Variants in TUBA1A observed in about 807,000 individuals in gnomAD.
TUBA1A encodes the protein tubulin alpha 1a.
Under a neutral mutation model 34.6 loss-of-function variants are expected in TUBA1A, and 7 were observed. The ratio of observed to expected loss-of-function variants is 0.20; its 90% CI spans 0.11 to 0.38. TUBA1A has a LOEUF of 0.38. Among genes scored for constraint, TUBA1A ranks in the 10% least tolerant of loss-of-function variants. The probability of loss-of-function intolerance (pLI) is 1.00; values close to 1 mark genes in which losing one functional copy is unlikely to be tolerated. For synonymous variants in TUBA1A, 193 were observed against 210.2 expected (o/e 0.92, Z 0.71); for missense variants, 19 against 581.3 (o/e 0.03, Z 9.95).
At position 49,189,047 on chromosome 12, in the gene TUBA1A, G is replaced by T. The variant is rs1301459109; in HGVS notation, c.-68C>A. 2.4e-5 allele frequency: 39 copies of T among 1,605,246 alleles called. No individual in the cohort carries two copies. Among genetic ancestry groups the T allele is most frequent in the Non-Finnish European group, 3.0e-5 (35 of 1,172,112 alleles). ...AGGAGAGGTTGTTGCTTCTTACAGCGCGACTCTTAGGCGGTCGATGTAAGA... is the reference window on the plus strand; with the variant it reads ...AGGAGAGGTTGTTGCTTCTTACAGCTCGACTCTTAGGCGGTCGATGTAAGA... On this transcript the variant is annotated 5_prime_UTR_variant, in exon 1 of 4. Transcript: ENST00000301071.
chr12:49,187,567 ATTC>A (rs1942195926), intron 1 of TUBA1A: 3 of 984,858 alleles, frequency 3.0e-6, no homozygotes, highest in Non-Finnish European at 2.4e-6. Flanking sequence ...GCGGAGTATA[ATTC>A]TTCTTTGTCT....
At position 49,185,976 on chromosome 12, in the gene TUBA1A, C is replaced by A; in HGVS notation, c.390G>T (p.Thr130=). 6.2e-7 allele frequency: 1 copy of A among 1,614,144 alleles called. No individual in the cohort carries two copies. Among genetic ancestry groups the A allele is most frequent in the East Asian group, 2.2e-5 (1 of 44,888 alleles). The change falls in exon 4 of 4, where the codon ACG becomes ACT. Residue 130 remains threonine (T), a synonymous_variant. Coordinates refer to ENST00000301071, the MANE Select transcript of TUBA1A (RefSeq NM_006009.4). ...GGAAAACCAAGAAGCCCTGGAGACC[C>A]GTGCACTGGTCGGCCTATAACAAAA... ...DRIRKLADQC[T]GLQGFLVFHS... is the part of the protein sequence containing the mutation.
rs1447781118 is a variant in TUBA1A at position 49,184,831 on chromosome 12, T to A, written c.*179A>T. 1 of 998,414 alleles carries A rather than the reference T, an allele frequency of 1.0e-6. No homozygotes were observed. The highest frequency in any genetic ancestry group is 1.5e-6 in the Non-Finnish European group (1 of 659,506). 61.8% of individuals were successfully genotyped at this position (998,414 alleles called of 1,614,324 possible). A position where few individuals can be genotyped will look rare whatever the true frequency, so the allele number is the denominator to read the frequency against. On this transcript the variant is annotated 3_prime_UTR_variant, in exon 4 of 4. Coordinates refer to ENST00000301071, the MANE Select transcript of TUBA1A (RefSeq NM_006009.4). Reference sequence around the variant, plus strand: ...CAGGGAATACTTTATTCAAAACCCATCACAGAAATGGACAGCTTGGGTCTG... The same window carrying A: ...CAGGGAATACTTTATTCAAAACCCAACACAGAAATGGACAGCTTGGGTCTG...
Position 49,189,029 on chromosome 12 carries a change from G to T in TUBA1A, c.-50C>A. Reference sequence around the variant, plus strand: ...CTGATGGCGGAGACGAAGAGGAGAGGTTGTTGCTTCTTACAGCGCGACTCT... The same window carrying T: ...CTGATGGCGGAGACGAAGAGGAGAGTTTGTTGCTTCTTACAGCGCGACTCT... On this transcript the variant is annotated 5_prime_UTR_variant, in exon 1 of 4. Transcript: ENST00000301071. 1.2e-6 allele frequency: 2 copies of T among 1,613,060 alleles called. No homozygotes were observed. Among genetic ancestry groups the T allele is most frequent in the South Asian group, 1.1e-5 (1 of 91,060 alleles).
Position 49,185,195 on chromosome 12 carries a change from G to A in TUBA1A, c.1171C>T (p.Leu391=). ...TACATCAGGTCAAACTTGTGGTCCA[G>A]GCGAGCCCAGGCCTCAGCAATGGCT... The part of the protein sequence containing the change: ...TTAIAEAWAR[L]DHKFDLMYAK... Residue 391 remains leucine, a synonymous_variant, in exon 4 of 4, where the codon CTG becomes TTG. Transcript: ENST00000301071. The A allele has an allele frequency of 6.2e-7, 1 of 1,614,120 alleles. No individual in the cohort carries two copies. The highest frequency in any genetic ancestry group is 8.5e-7 in the Non-Finnish European group (1 of 1,180,032).
intron 1 of TUBA1A, chr12:49,187,382 T>C (rs1195777200): frequency 9.8e-7 from 1 of 1,021,872 alleles, no homozygotes; most frequent in Non-Finnish European, 1.2e-6. Context: ...CTGTGCCTGG[T>C]GCTAGCCTGT....
In TUBA1A at chr12:49,188,736, C is replaced by G; in HGVS notation, c.3+241G>C. The G allele has an allele frequency of 1.4e-6, 2 of 1,458,864 alleles. No homozygotes were observed. The highest frequency in any genetic ancestry group is 1.8e-6 in the Non-Finnish European group (2 of 1,115,136). The allele number at this position is 1,458,864 out of a possible 1,614,324, so 90.4% of individuals were successfully genotyped here. ...CTCTCGGATAACACAGGCGCCTAGG[C>G]GCCGCCTTTGTTCCTCCCCAGCGCT... is the stretch of plus-strand genomic sequence containing the variant. On this transcript the variant is annotated intron_variant, in intron 1 of 3. Coordinates refer to ENST00000301071, the MANE Select transcript of TUBA1A (RefSeq NM_006009.4). The surrounding 1 kb of genome is among the most constrained non-coding windows in gnomAD (Gnocchi z 4.9).
rs762217273 is a variant in TUBA1A, at chr12:49,186,527, G to C, written c.227-69C>G. The C allele has an allele frequency of 6.2e-7, 1 of 1,612,624 alleles. No individual in the cohort carries two copies. Among genetic ancestry groups the C allele is most frequent in the Non-Finnish European group, 8.5e-7 (1 of 1,178,870 alleles). On this transcript the variant is annotated intron_variant, in intron 2 of 3. Transcript: ENST00000301071. The surrounding 1 kb of genome is among the most constrained non-coding windows in gnomAD (Gnocchi z 6.6). ...GGACGAGGAGCGGGGAGGGAGAGTG[G>C]GTGAGTGACCAGCGGAGCCCCCCAG...
Position 49,188,408 on chromosome 12 carries a change from G to A in TUBA1A, c.3+569C>T, listed in dbSNP as rs1283046389. The A allele has an allele frequency of 1.3e-6, 2 of 1,535,922 alleles. No individual in the cohort carries two copies. Among genetic ancestry groups the A allele is most frequent in the South Asian group, 1.2e-5 (1 of 84,052 alleles). On this transcript the variant is annotated intron_variant, in intron 1 of 3. Transcript: ENST00000301071. The surrounding 1 kb of genome is among the most constrained non-coding windows in gnomAD (Gnocchi z 4.9). ...ACACCCGCTGCCGGGGGCTCCGGCA[G>A]AAACTCACCATGTTTTCCCGGGAAT...
chr12:49,186,958 C>A lies in TUBA1A; in HGVS notation c.4-125G>T. 1 of 1,505,840 alleles carries A rather than the reference C, an allele frequency of 6.6e-7. No homozygotes were observed. The allele number at this position is 1,505,840 out of a possible 1,614,324, so 93.3% of individuals were successfully genotyped here. A position where few individuals can be genotyped will look rare whatever the true frequency, so the allele number is the denominator to read the frequency against. The stretch of plus-strand genomic sequence containing the variant: ...TTTCTAAATTATTTGAGGTCATATC[C>A]CCAGCACGATACAAAGATTAAGGAA... On this transcript the variant is annotated intron_variant, in intron 1 of 3. Coordinates refer to ENST00000301071, the MANE Select transcript of TUBA1A (RefSeq NM_006009.4). The surrounding 1 kb of genome is among the most constrained non-coding windows in gnomAD (Gnocchi z 6.6).
rs781597673 is a variant in TUBA1A at position 49,185,298 on chromosome 12, G to A, written c.1068C>T (p.Asn356=). The part of the protein sequence containing the change: ...WCPTGFKVGI[N]YQPPTVVPGG... Reference sequence around the variant, plus strand: ...CAGGCACCACAGTGGGAGGCTGGTAGTTGATGCCAACCTTGAAGCCAGTGG... The same window carrying A: ...CAGGCACCACAGTGGGAGGCTGGTAATTGATGCCAACCTTGAAGCCAGTGG... The change falls in exon 4 of 4, where the codon AAC becomes AAT. Residue 356 remains asparagine, a synonymous_variant. Transcript: ENST00000301071. 1.3e-5 allele frequency: 21 copies of A among 1,614,186 alleles called. No homozygotes were observed. Among genetic ancestry groups the A allele is most frequent in the East Asian group, 2.2e-5 (1 of 44,892 alleles).
In TUBA1A at chr12:49,188,889, GA is replaced by G. The variant is rs1218755746; in HGVS notation, c.3+87del. The G allele has an allele frequency of 6.2e-7, 1 of 1,613,594 alleles. No homozygotes were observed. Among genetic ancestry groups the G allele is most frequent in the Non-Finnish European group, 8.5e-7 (1 of 1,180,010 alleles). ...CACCACCCTCGCCCAGAGAGCTTAC[GA>G]AAGAAAAGAGCTTAAAGGTTTTCCA... On this transcript the variant is annotated intron_variant, in intron 1 of 3. Transcript: ENST00000301071. The surrounding 1 kb of genome is among the most constrained non-coding windows in gnomAD (Gnocchi z 4.9).
At position 49,189,057 on chromosome 12, in the gene TUBA1A, G is replaced by A. The variant is rs574389302; in HGVS notation, c.-78C>T. The stretch of plus-strand genomic sequence containing the variant: ...GTTGCTTCTTACAGCGCGACTCTTA[G>A]GCGGTCGATGTAAGAGAACCTGCGG... On this transcript the variant is annotated 5_prime_UTR_variant, in exon 1 of 4. Transcript: ENST00000301071. 982 of 1,596,694 alleles carry A rather than the reference G, an allele frequency of 6.2e-4. 10 individuals carry two copies. Among genetic ancestry groups the A allele is most frequent in the Admixed American group, 2.3e-4 (14 of 59,974 alleles).
rs897187839 is a variant in TUBA1A at position 49,185,475 on chromosome 12, C to T, written c.891G>A (p.Glu297=). ...CACATTTCACCATCTGGTTGGCTGG[C>T]TCAAAGCAAGCATTGGTGATCTCTG... ...SVAEITNACF[E]PANQMVKCDP... The change falls in exon 4 of 4, where the codon GAG becomes GAA. Residue 297 remains glutamate (E), a synonymous_variant. Transcript: ENST00000301071. The T allele has an allele frequency of 6.2e-7, 1 of 1,613,838 alleles. No individual in the cohort carries two copies. Among genetic ancestry groups the T allele is most frequent in the Non-Finnish European group, 8.5e-7 (1 of 1,179,934 alleles).
rs35097794 is a variant in TUBA1A at position 49,188,077 on chromosome 12, GACAC to G, written c.3+896_3+899del. The G allele has an allele frequency of 2.4e-3, 2,205 of 922,340 alleles. 2 individuals carry two copies. Among genetic ancestry groups the G allele is most frequent in the Middle Eastern group, 9.0e-3 (16 of 1,782 alleles). 57.1% of individuals were successfully genotyped at this position (922,340 alleles called of 1,614,324 possible). A position where few individuals can be genotyped will look rare whatever the true frequency, so the allele number is the denominator to read the frequency against. ...GTCGGTCAGGGCAGGGCGTCCCACA[GACAC>G]ACACACACACACACACACACACACA... On this transcript the variant is annotated intron_variant, in intron 1 of 3. Transcript: ENST00000301071. This position sits in a 1 kb window ranked among gnomAD's most constrained non-coding sequence, Gnocchi z 4.9.
Position 49,189,066 on chromosome 12 carries a change from T to A in TUBA1A, c.-87A>T. Reference sequence around the variant, plus strand: ...TACAGCGCGACTCTTAGGCGGTCGATGTAAGAGAACCTGCGGCACATAGGC... The same window carrying A: ...TACAGCGCGACTCTTAGGCGGTCGAAGTAAGAGAACCTGCGGCACATAGGC... On this transcript the variant is annotated 5_prime_UTR_variant, in exon 1 of 4. Transcript: ENST00000301071. 6.3e-7 allele frequency: 1 copy of A among 1,575,664 alleles called. No homozygotes were observed. The highest frequency in any genetic ancestry group is 8.7e-7 in the Non-Finnish European group (1 of 1,145,306).
Position 49,188,680 on chromosome 12 carries a change from G to C in TUBA1A, c.3+297C>G. The C allele has an allele frequency of 1.4e-6, 2 of 1,437,354 alleles. No homozygotes were observed. The highest frequency in any genetic ancestry group is 1.8e-6 in the Non-Finnish European group (2 of 1,102,698). 89.0% of individuals were successfully genotyped at this position (1,437,354 alleles called of 1,614,324 possible). On this transcript the variant is annotated intron_variant, in intron 1 of 3. Coordinates refer to ENST00000301071, the MANE Select transcript of TUBA1A (RefSeq NM_006009.4). The surrounding 1 kb of genome is among the most constrained non-coding windows in gnomAD (Gnocchi z 4.9). ...GGGACGCCCCAGACCCCTCGGTCGC[G>C]GCAGACGGGCTGCCCGCGGCCCCCG...
At chr12:49,187,515 A>G (rs575040699) in intron 1 of TUBA1A, 1 of 985,724 alleles carries the variant, frequency 1.0e-6, no homozygotes, top group East Asian at 1.1e-4. Context: ...CCTGAATTGA[A>G]ATGAATTAAT....
rs11558072 is a variant in TUBA1A at position 49,186,684 on chromosome 12, G to C, written c.153C>G (p.Thr51=). Reference sequence around the variant, plus strand: ...TGCCAGCCCCCGTCTCACTGAAGAAGGTGTTGAAGGAATCATCTCCTCCCC... The same window carrying C: ...TGCCAGCCCCCGTCTCACTGAAGAACGTGTTGAAGGAATCATCTCCTCCCC... ...TIGGGDDSFN[T]FFSETGAGKH... Residue 51 remains threonine, a synonymous_variant, in exon 2 of 4, where the codon ACC becomes ACG. Coordinates refer to ENST00000301071, the MANE Select transcript of TUBA1A (RefSeq NM_006009.4). The surrounding 1 kb of genome is among the most constrained non-coding windows in gnomAD (Gnocchi z 6.6). 1 of 1,614,138 alleles carries C rather than the reference G, an allele frequency of 6.2e-7. No individual in the cohort carries two copies. Among genetic ancestry groups the C allele is most frequent in the Non-Finnish European group, 8.5e-7 (1 of 1,180,020 alleles).
Sources: gnomAD v4.1 joint callset for allele counts on GRCh38, gnomAD v4.1.1 for gene constraint, Gnocchi (gnomAD v3.1) non-coding constraint, MANE v1.5 for transcripts, NCBI Gene and HGNC (gene_info 2026-07-23, HGNC 2026-07-21) for gene names.